The following ZNF85 variants were observed in gnomAD, a reference collection of about 807,000 sequenced individuals.
ZNF85 encodes the protein zinc finger protein 85 (HPF4, HTF1).
Under a neutral mutation model 53.9 loss-of-function variants are expected in ZNF85, and 50 were observed. The ratio of observed to expected loss-of-function variants is 0.93; its 90% CI spans 0.74 to 1.17. The LOEUF (loss-of-function observed/expected upper bound fraction) is 1.17. ZNF85 is among the 50% of genes most tolerant of loss of function. ZNF85 has a pLI of 0.00. For missense variants in ZNF85, 747 were observed against 688.5 expected, an observed-to-expected ratio of 1.08 and a Z score of -0.95; for synonymous variants, 225 against 226.1, an observed-to-expected ratio of 1.00 and a Z score of 0.04.
At chr19:20,932,979 G>C (rs1023343039) in intron 1 of ZNF85, among the ~76,000 whole-genome samples, 1 of 151,198 alleles carries the variant, frequency 6.6e-6, no homozygotes, top group Admixed American at 6.6e-5. Context: ...ACAAGGTCAG[G>C]AGATCTAGAC....
Position 20,935,013 on chromosome 19 carries a change from G to A in ZNF85, c.195G>A (p.Met65Ile), listed in dbSNP as rs1404791944. Reference sequence around the variant, plus strand: ...AGCAAGGGAAAGAGGCCTGGAGTATGAAGAGACATGAGATCATGGTGGCCA... The same window carrying A: ...AGCAAGGGAAAGAGGCCTGGAGTATAAAGAGACATGAGATCATGGTGGCCA... Reference protein sequence around the residue: ...CLEQGKEAWSMKRHEIMVAKP... With the variant: ...CLEQGKEAWSIKRHEIMVAKP... The change falls in exon 3 of 4, where the codon ATG becomes ATA. Residue 65 changes from methionine (M) to isoleucine (I), a missense_variant. By Grantham distance (10) the Met-to-Ile change is conservative. Transcript: ENST00000328178. 1 of 1,611,742 alleles carries A rather than the reference G, an allele frequency of 6.2e-7. No homozygotes were observed. The highest frequency in any genetic ancestry group is 1.7e-5 in the Admixed American group (1 of 59,930).
intron 3 of ZNF85, among the ~76,000 whole-genome samples, chr19:20,946,051 T>G (rs932774971): frequency 2.0e-5 from 3 of 152,100 alleles, no homozygotes; most frequent in African/African-American, 7.2e-5. Flanking sequence ...AACGTTTTTT[T>G]TTTTTGAAGA....
At position 20,949,603 on chromosome 19, in the gene ZNF85, T is replaced by C; in HGVS notation, c.1089T>C (p.Ile363=). ...QSAHLTTHEV[I]HTGEKPYKCE... ...CACACCTTACCACACATGAGGTAATTCATACTGGAGAGAAACCCTACAAAT... is the reference window on the plus strand; with the variant it reads ...CACACCTTACCACACATGAGGTAATCCATACTGGAGAGAAACCCTACAAAT... Residue 363 remains isoleucine, a synonymous_variant, in exon 4 of 4, where the codon ATT becomes ATC. Coordinates refer to ENST00000328178, the MANE Select transcript of ZNF85 (RefSeq NM_003429.5). The C allele has an allele frequency of 6.2e-7, 1 of 1,602,258 alleles. No homozygotes were observed. Among genetic ancestry groups the C allele is most frequent in the Non-Finnish European group, 8.5e-7 (1 of 1,171,846 alleles).
At chr19:20,947,283 A>G (rs1973443184) in intron 3 of ZNF85, among the ~76,000 whole-genome samples, 1 of 151,720 alleles carries the variant, frequency 6.6e-6, no homozygotes, top group Non-Finnish European at 1.5e-5. Flanking sequence ...AGTGTTTATA[A>G]TAATTAGTGT....
At chr19:20,930,011 C>T (rs997099133) in intron 1 of ZNF85, among the ~76,000 whole-genome samples, 1 of 148,276 alleles carries the variant, frequency 6.7e-6, no homozygotes, top group African/African-American at 2.5e-5. Flanking sequence ...ATCCCAGTTA[C>T]TTGGGAGGCT....
At chr19:20,929,783 T>C (rs1326259738) in intron 1 of ZNF85, among the ~76,000 whole-genome samples, 1 of 149,964 alleles carries the variant, frequency 6.7e-6, no homozygotes, top group African/African-American at 2.4e-5. Flanking sequence ...TATTTAGGTC[T>C]GGCCCCACCC....
intron 3 of ZNF85, chr19:20,937,404 C>T (rs1218788503): frequency 2.6e-5 from 12 of 454,872 alleles, no homozygotes; most frequent in Non-Finnish European, 4.9e-5. Flanking sequence ...GGGATGCCCT[C>T]TGAGTTTATA....
chr19:20,948,906 G>C lies in ZNF85; in HGVS notation c.392G>C (p.Cys131Ser), dbSNP rs752555018. Residue 131 changes from cysteine to serine, a missense_variant, in exon 4 of 4, where the codon TGT becomes TCT. Coordinates refer to ENST00000328178, the MANE Select transcript of ZNF85 (RefSeq NM_003429.5). The stretch of plus-strand genomic sequence containing the variant: ...GAGTGTAAGATGCACAAAGGAGGTT[G>C]TAATGGACTTAACCAATGTCTCACA... ...MDECKMHKGG[C>S]NGLNQCLTAT... The C allele has an allele frequency of 1.7e-5, 28 of 1,613,546 alleles. No homozygotes were observed. In the East Asian group the frequency reaches 6.2e-4, roughly 36 times the overall value.
rs137958934 is a variant in ZNF85, at chr19:20,947,988, T to A, written c.230-756T>A. Among the ~76,000 whole-genome samples, 557 of 152,192 alleles carry A rather than the reference T, an allele frequency of 3.7e-3. 10 individuals carry two copies. The highest frequency in any genetic ancestry group is 0.032 in the South Asian group (156 of 4,828). ...GCTATGTTGCCCCAATATTTTTATA[T>A]GTTGTAATCTTTCATTGAAATTTAG... On this transcript the variant is annotated intron_variant, in intron 3 of 3. Transcript: ENST00000328178.
chr19:20,940,519 G>A (rs1185591157), intron 3 of ZNF85, among the ~76,000 whole-genome samples: 1 of 148,746 alleles, frequency 6.7e-6, no homozygotes, highest in Non-Finnish European at 1.5e-5. Context: ...TTTAGGTGAC[G>A]AAGTGAGACC....
chr19:20,939,485 C>A (rs1176025501), intron 3 of ZNF85, among the ~76,000 whole-genome samples: 1 of 152,106 alleles, frequency 6.6e-6, no homozygotes, highest in South Asian at 2.1e-4. Context: ...GGACTCCTGA[C>A]CTAGTGACCC....
At chr19:20,937,411 T>C (rs1035112793) in intron 3 of ZNF85, 1 of 454,262 alleles carries the variant, frequency 2.2e-6, no homozygotes, top group Non-Finnish European at 4.4e-6. Flanking sequence ...CCTCTGAGTT[T>C]ATAGTGCAGA....
chr19:20,933,192 CAAAA>C (rs10532648), intron 1 of ZNF85, among the ~76,000 whole-genome samples: 6 of 108,742 alleles, frequency 5.5e-5, no homozygotes, highest in Admixed American at 9.4e-5. Flanking sequence ...GACTCCGTCT[CAAAA>C]AAAAAAAAAA....
intron 1 of ZNF85, among the ~76,000 whole-genome samples, chr19:20,925,161 A>C (rs1035643667): frequency 5.3e-5 from 8 of 152,122 alleles, no homozygotes; most frequent in African/African-American, 1.9e-4. Context: ...TTGAGACATT[A>C]AAATTGACTT....
intron 2 of ZNF85, among the ~76,000 whole-genome samples, chr19:20,934,716 G>T (rs1973114351): frequency 6.7e-6 from 1 of 149,450 alleles, no homozygotes; most frequent in Non-Finnish European, 1.5e-5. Flanking sequence ...GGCGGAGCTT[G>T]CAGTGAGCTG....
chr19:20,950,331 C>A lies in ZNF85; in HGVS notation c.*29C>A. The A allele has an allele frequency of 6.9e-7, 1 of 1,449,660 alleles. No homozygotes were observed. Among genetic ancestry groups the A allele is most frequent in the Non-Finnish European group, 9.2e-7 (1 of 1,085,332 alleles). 89.8% of individuals were successfully genotyped at this position (1,449,660 alleles called of 1,614,324 possible). ...TTATGGCAAAGCTTTAATCAATTTA[C>A]AAGTCTTACTAAACATAAGAAAATT... On this transcript the variant is annotated 3_prime_UTR_variant, in exon 4 of 4. Coordinates refer to ENST00000328178, the MANE Select transcript of ZNF85 (RefSeq NM_003429.5).
At chr19:20,942,736 C>A in intron 3 of ZNF85, 1 of 665,444 alleles carries the variant, frequency 1.5e-6, no homozygotes, top group South Asian at 1.6e-5. Context: ...TCAGAAAACA[C>A]ACAGTGTATA....
rs1362408507 is a variant in ZNF85 at position 20,947,518 on chromosome 19, A to C, written c.230-1226A>C. Among the ~76,000 whole-genome samples the C allele has an allele frequency of 3.1e-4, 4 of 12,810 alleles. No individual in the cohort carries two copies. In the East Asian group the frequency reaches 0.011, roughly 35 times the overall value. The allele number at this position is 12,810 out of a possible 152,430, so 8.4% of individuals were successfully genotyped here. A position where few individuals can be genotyped will look rare whatever the true frequency, so the allele number is the denominator to read the frequency against. ...TTTTTTTTTTTTTTTTTTTTTTTTT[A>C]CTAATTTCAGGACTATTACAATATC... On this transcript the variant is annotated intron_variant, in intron 3 of 3. Coordinates refer to ENST00000328178, the MANE Select transcript of ZNF85 (RefSeq NM_003429.5).
At chr19:20,931,620 CTT>C (rs1156835317) in intron 1 of ZNF85, among the ~76,000 whole-genome samples, 11,956 of 118,954 alleles carry the variant, frequency 0.1, 319 homozygotes, top group Middle Eastern at 0.15. Flanking sequence ...TTTTCTTTTT[CTT>C]TTTTTTTTTT....
Sources: gnomAD v4.1 joint callset for allele counts (sites outside exome capture counted in the v4.1 genomes callset) on GRCh38, gnomAD v4.1.1 for gene constraint, MANE v1.5 for transcripts, NCBI Gene and HGNC (gene_info 2026-07-23, HGNC 2026-07-21) for gene names.